The following HEATR4 variants were observed in gnomAD, a reference collection of about 807,000 sequenced individuals.
HEATR4 encodes the protein HEAT repeat-containing protein 4.
Under a neutral mutation model 108.8 loss-of-function variants are expected in HEATR4, and 95 were observed. That is an observed-to-expected ratio of 0.87 (90% CI 0.74 to 1.04). HEATR4 has a LOEUF of 1.04. Ranked by LOEUF, HEATR4 falls within the 50% of genes least tolerant of loss-of-function variation. The pLI is 0.00. For synonymous variants in HEATR4, 443 were observed against 459.4 expected (o/e 0.96, Z 0.46); for missense variants, 1,152 against 1,253.8 (o/e 0.92, Z 1.23).
the HEATR4 span, among the ~76,000 whole-genome samples, chr14:73,586,621 G>T: frequency 6.0e-5 from 9 of 150,998 alleles, no homozygotes; most frequent in African/African-American, 2.2e-4. Context: ...CACGAGAATT[G>T]CTTGAACCCA....
In HEATR4 at chr14:73,550,631, T is replaced by C. The variant is rs557149448; in HGVS notation, c.-152+8120A>G. On this transcript the variant is annotated intron_variant, in intron 1 of 17. Transcript: ENST00000553558. Reference sequence around the variant, plus strand: ...CTGCCAGTCTCTGCTGTCTCACCCTTATGAGCAGCCTGCCTTGAACCCTCT... The same window carrying C: ...CTGCCAGTCTCTGCTGTCTCACCCTCATGAGCAGCCTGCCTTGAACCCTCT... Among the ~76,000 whole-genome samples, 23 of 111,246 alleles carry C rather than the reference T, an allele frequency of 2.1e-4. 6 individuals are homozygous for C. The South Asian group carries it at 5.2e-3, about 25-fold the overall frequency. The allele number at this position is 111,246 out of a possible 152,430, so 73.0% of individuals were successfully genotyped here. A position where few individuals can be genotyped will look rare whatever the true frequency, so the allele number is the denominator to read the frequency against.
chr14:73,592,224 C>G, the HEATR4 span: 2 of 1,613,084 alleles, frequency 1.2e-6, no homozygotes, highest in Non-Finnish European at 1.7e-6. Context: ...ACCCGAGAAG[C>G]CTTTTTGGCG....
chr14:73,526,307 T>C (rs1292531785), intron 2 of HEATR4, among the ~76,000 whole-genome samples: 1 of 152,214 alleles, frequency 6.6e-6, no homozygotes, highest in African/African-American at 2.4e-5. Context: ...CAGCTGGTTC[T>C]GCCACCAGCT....
At chr14:73,518,941 A>G (rs1887803019) in intron 5 of HEATR4, 82 bp downstream of exon 5, 2 of 1,406,210 alleles carry the variant, frequency 1.4e-6, no homozygotes, top group Non-Finnish European at 1.9e-6. Context: ...TGGGAGCTCT[A>G]GCACATGAAT....
intron 2 of HEATR4, among the ~76,000 whole-genome samples, chr14:73,524,483 T>C (rs1888209319): frequency 6.6e-6 from 1 of 151,026 alleles, no homozygotes; most frequent in Non-Finnish European, 1.5e-5. Flanking sequence ...TTTGTTTTGT[T>C]TTCCTTTTGA....
At chr14:73,545,505 C>A (rs1315841287) in intron 1 of HEATR4, among the ~76,000 whole-genome samples, 1 of 72,390 alleles carries the variant, frequency 1.4e-5, no homozygotes, top group Non-Finnish European at 2.9e-5. Context: ...TGTCTCCAAA[C>A]TTCCACAAGA....
chr14:73,511,590 C>G (rs951481334), intron 7 of HEATR4, among the ~76,000 whole-genome samples: 3 of 149,950 alleles, frequency 2.0e-5, no homozygotes, highest in Admixed American at 1.3e-4. Context: ...AGAATGGGCT[C>G]TTGGCTGGGC....
chr14:73,607,263 T>C, the HEATR4 span, among the ~76,000 whole-genome samples: 2 of 152,116 alleles, frequency 1.3e-5, no homozygotes, highest in East Asian at 1.9e-4. Context: ...TGAGCCAAGA[T>C]TGCACCACTG....
chr14:73,491,584 G>T (rs1026395158), intron 17 of HEATR4: 2 of 1,544,538 alleles, frequency 1.3e-6, no homozygotes, highest in African/African-American at 1.4e-5. Flanking sequence ...GGCGCGTCTT[G>T]GCCGAGCTGA....
rs547590948 is a variant in HEATR4 at position 73,537,413 on chromosome 14, C to T, written c.-151-7169G>A. 5.4e-5 allele frequency: 67 copies of T among 1,234,778 alleles called. 20 individuals carry two copies. In the South Asian group the frequency reaches 9.0e-4, roughly 17 times the overall value. The allele number at this position is 1,234,778 out of a possible 1,614,324, so 76.5% of individuals were successfully genotyped here. A position where few individuals can be genotyped will look rare whatever the true frequency, so the allele number is the denominator to read the frequency against. On this transcript the variant is annotated intron_variant, in intron 1 of 17. Transcript: ENST00000553558. ...GCAGTTTGGCCGGATTATTTGGGTTCCTGCTCGGATGGCGGCGACGCTGAT... is the reference window on the plus strand; with the variant it reads ...GCAGTTTGGCCGGATTATTTGGGTTTCTGCTCGGATGGCGGCGACGCTGAT...
chr14:73,496,889 GTTTAC>G (rs1342751682), intron 14 of HEATR4, among the ~76,000 whole-genome samples: 2 of 152,052 alleles, frequency 1.3e-5, no homozygotes, highest in African/African-American at 4.8e-5. Context: ...TGGGTTTTTT[GTTTAC>G]TTTTTGTTTT....
intron 17 of HEATR4, among the ~76,000 whole-genome samples, chr14:73,480,211 G>A (rs951567642): frequency 2.6e-5 from 4 of 152,174 alleles, no homozygotes; most frequent in African/African-American, 9.6e-5. Flanking sequence ...GGAGGCCAAG[G>A]CAGGCAGCTC....
At chr14:73,578,647 T>G in the HEATR4 span, among the ~76,000 whole-genome samples, 1 of 152,006 alleles carries the variant, frequency 6.6e-6, no homozygotes, top group South Asian at 2.1e-4. Flanking sequence ...CCATAATGAT[T>G]GATTGATTGA....
chr14:73,491,363 C>T (rs1176658515), intron 17 of HEATR4: 1 of 1,376,270 alleles, frequency 7.3e-7, no homozygotes, highest in Non-Finnish European at 9.3e-7. Flanking sequence ...GCGCTCCCTG[C>T]AGACCCCGTC....
upstream of HEATR4, among the ~76,000 whole-genome samples, chr14:73,562,450 C>A (rs1478445674): frequency 2.6e-5 from 4 of 151,890 alleles, no homozygotes; most frequent in Non-Finnish European, 5.9e-5. Flanking sequence ...AATCAGTGCA[C>A]CTTGAAAAAG....
chr14:73,520,224 G>A (rs1201522169), intron 4 of HEATR4: 1 of 152,196 alleles, frequency 6.6e-6, no homozygotes, highest in Non-Finnish European at 1.5e-5. Context: ...TATCCTGGAA[G>A]CCCAGGCATC....
intron 1 of HEATR4, among the ~76,000 whole-genome samples, chr14:73,538,528 G>A (rs1199846346): frequency 1.9e-5 from 2 of 107,594 alleles, no homozygotes; most frequent in African/African-American, 6.2e-5. Flanking sequence ...CAGAAGAATG[G>A]CATGAACCCA....
intron 1 of HEATR4, among the ~76,000 whole-genome samples, chr14:73,551,809 TAA>T (rs1291975751): frequency 5.0e-5 from 4 of 80,486 alleles, no homozygotes; most frequent in African/African-American, 8.3e-5. Context: ...ATCTCCGTCT[TAA>T]AAAAAAAAAA....
chr14:73,582,613 G>C, the HEATR4 span: 2 of 151,980 alleles, frequency 1.3e-5, no homozygotes, highest in African/African-American at 4.8e-5. Context: ...TATAATAGTA[G>C]AAGACAGCCC....
Sources: gnomAD v4.1 joint callset for allele counts (sites outside exome capture counted in the v4.1 genomes callset) on GRCh38, gnomAD v4.1.1 for gene constraint, MANE v1.5 for transcripts, NCBI Gene and HGNC (gene_info 2026-07-23, HGNC 2026-07-21) for gene names.